Variants in DNAJC24 observed in about 807,000 individuals in gnomAD.
DNAJC24 encodes the protein DnaJ heat shock protein family (Hsp40) member C24.
A neutral mutation model predicts 18.0 loss-of-function variants in DNAJC24; 17 were observed. The ratio of observed to expected loss-of-function variants is 0.94; its 90% CI spans 0.65 to 1.42. The LOEUF is 1.42. DNAJC24 is among the 40% of genes most tolerant of loss of function. The pLI, the probability that DNAJC24 is intolerant of heterozygous loss-of-function variation, is 0.00. For missense variants in DNAJC24, 158 were observed against 175.6 expected (o/e 0.90, Z 0.57); for synonymous variants, 55 against 57.7 (o/e 0.95, Z 0.21).
At chr11:31,415,957 A>G (rs1952748187) in intron 3 of DNAJC24, 1 of 152,218 alleles carries the variant, frequency 6.6e-6, no homozygotes, top group Middle Eastern at 3.2e-3. Context: ...CATTTGCAAG[A>G]CATCCCTATT....
intron 2 of DNAJC24, among the ~76,000 whole-genome samples, chr11:31,391,756 T>A (rs1231787386): frequency 6.6e-6 from 1 of 152,196 alleles, no homozygotes; most frequent in Non-Finnish European, 1.5e-5. Context: ...CTGCTAGATA[T>A]ACTCCAGAAA....
At chr11:31,411,560 G>T (rs1952710075) in intron 2 of DNAJC24, among the ~76,000 whole-genome samples, 1 of 152,196 alleles carries the variant, frequency 6.6e-6, no homozygotes, top group Non-Finnish European at 1.5e-5. Context: ...GCTTCTGGAG[G>T]CTGCAGGCAT....
At chr11:31,427,085 A>G (rs182346807) in intron 4 of DNAJC24, 1 of 152,238 alleles carries the variant, frequency 6.6e-6, no homozygotes, top group Admixed American at 6.5e-5. Flanking sequence ...AAATCTTACT[A>G]TTTCCTAGAA....
chr11:31,396,584 G>T (rs1255741717), intron 2 of DNAJC24, among the ~76,000 whole-genome samples: 1 of 152,112 alleles, frequency 6.6e-6, no homozygotes, highest in African/African-American at 2.4e-5. Context: ...ATCTTCAGCA[G>T]CCTTAGTTTA....
chr11:31,380,195 T>C (rs981579862), intron 2 of DNAJC24, among the ~76,000 whole-genome samples: 5 of 152,306 alleles, frequency 3.3e-5, no homozygotes, highest in African/African-American at 1.2e-4. Flanking sequence ...AATTATAGCG[T>C]TTCAGAAACT....
At chr11:31,418,148 T>G (rs548603528) in intron 3 of DNAJC24, among the ~76,000 whole-genome samples, 1 of 152,254 alleles carries the variant, frequency 6.6e-6, no homozygotes, top group African/African-American at 2.4e-5. Context: ...AGTTGGCATA[T>G]TAAACTTATT....
At chr11:31,380,361 A>C (rs1952364821) in intron 2 of DNAJC24, among the ~76,000 whole-genome samples, 1 of 152,218 alleles carries the variant, frequency 6.6e-6, no homozygotes, top group Non-Finnish European at 1.5e-5. Flanking sequence ...ATCATTTTCA[A>C]CCAGTATTAT....
Position 31,414,940 on chromosome 11 carries a change from C to T in DNAJC24, c.241C>T (p.Gln81Ter). 6.2e-7 allele frequency: 1 copy of T among 1,613,226 alleles called. No homozygotes were observed. Among genetic ancestry groups the T allele is most frequent in the Non-Finnish European group, 8.5e-7 (1 of 1,179,728 alleles). The change falls in exon 3 of 5, where the codon CAG becomes TAG. Residue 81 changes from glutamine (Q) to a stop codon, truncating the protein, a stop_gained. Coordinates refer to ENST00000465995, the MANE Select transcript of DNAJC24 (RefSeq NM_181706.5). LOFTEE classifies it high-confidence loss of function. ...AGAGACAAAAAGAGAGTATGACCTG[C>T]AGCGGTGTGGTAGGTGCTTGTGTTG... ...NEETKREYDLQRCEDDLRNVG... is the reference protein window; with the variant it reads ...NEETKREYDL
intron 2 of DNAJC24, among the ~76,000 whole-genome samples, chr11:31,382,617 T>C (rs1363439406): frequency 6.6e-6 from 1 of 152,240 alleles, no homozygotes; most frequent in Non-Finnish European, 1.5e-5. Flanking sequence ...GTACATATTG[T>C]TGTATACAGT....
At chr11:31,387,619 C>T (rs887168305) in intron 2 of DNAJC24, among the ~76,000 whole-genome samples, 1 of 152,148 alleles carries the variant, frequency 6.6e-6, no homozygotes, top group African/African-American at 2.4e-5. Context: ...TCTCTGAATA[C>T]TTGGAATGCC....
rs919676611 is a variant in DNAJC24 at position 31,375,833 on chromosome 11, G to A, written c.111+4974G>A. On this transcript the variant is annotated intron_variant, in intron 2 of 4. Coordinates refer to ENST00000465995, the MANE Select transcript of DNAJC24 (RefSeq NM_181706.5). ...AAGTGAAGCAGCAAATTACAGGAGA[G>A]AGAATTTCAACTAGCATTATTCTGG... 3.0e-5 allele frequency among the ~76,000 whole-genome samples: 4 copies of A among 135,344 alleles called. 2 individuals are homozygous for A. The highest frequency in any genetic ancestry group is 1.5e-4 in the Admixed American group (2 of 13,268). The allele number at this position is 135,344 out of a possible 152,430, so 88.8% of individuals were successfully genotyped here.
At chr11:31,427,114 C>A (rs551825438) in intron 4 of DNAJC24, 1 of 152,052 alleles carries the variant, frequency 6.6e-6, no homozygotes, top group African/African-American at 2.4e-5. Flanking sequence ...TATGCTTAAC[C>A]TTTTAACCTT....
At chr11:31,418,651 G>C (rs1952774491) in intron 3 of DNAJC24, among the ~76,000 whole-genome samples, 1 of 152,110 alleles carries the variant, frequency 6.6e-6, no homozygotes, top group South Asian at 2.1e-4. Flanking sequence ...TAGCTACTCT[G>C]TTAGTGAATT....
chr11:31,390,258 T>G (rs1952477559), intron 2 of DNAJC24, among the ~76,000 whole-genome samples: 1 of 151,888 alleles, frequency 6.6e-6, no homozygotes, highest in Non-Finnish European at 1.5e-5. Context: ...CAGCCAGGCA[T>G]GATGGCATGC....
At chr11:31,379,781 A>G (rs1012432022) in intron 2 of DNAJC24, among the ~76,000 whole-genome samples, 5 of 151,912 alleles carry the variant, frequency 3.3e-5, no homozygotes, top group African/African-American at 7.3e-5. Context: ...CTTTTGAGAC[A>G]GAGTCTCACC....
chr11:31,385,997 G>A (rs1205119800), intron 2 of DNAJC24, among the ~76,000 whole-genome samples: 3 of 152,144 alleles, frequency 2.0e-5, no homozygotes, highest in Non-Finnish European at 4.4e-5. Flanking sequence ...CTGTGTCACA[G>A]CGGAAAGCAA....
At chr11:31,393,861 T>A (rs1952520919) in intron 2 of DNAJC24, among the ~76,000 whole-genome samples, 1 of 152,182 alleles carries the variant, frequency 6.6e-6, no homozygotes, top group Admixed American at 6.5e-5. Context: ...ATTATGTTCT[T>A]CAAAGTTGCC....
In DNAJC24 at chr11:31,374,096, C is replaced by T. The variant is rs958603741; in HGVS notation, c.111+3237C>T. 8.2e-5 allele frequency: 32 copies of T among 388,100 alleles called. 6 individuals carry two copies. Among genetic ancestry groups the T allele is most frequent in the Non-Finnish European group, 1.3e-4 (25 of 187,714 alleles). The allele number at this position is 388,100 out of a possible 1,614,324, so 24.0% of individuals were successfully genotyped here. On this transcript the variant is annotated intron_variant, in intron 2 of 4. Transcript: ENST00000465995. ...GTATGTCTTGTATTTCCTTTTCTTACGTTAAGGCACTAGCTGGTTGCTTCT... is the reference window on the plus strand; with the variant it reads ...GTATGTCTTGTATTTCCTTTTCTTATGTTAAGGCACTAGCTGGTTGCTTCT...
chr11:31,407,088 C>G (rs1243845063), intron 2 of DNAJC24, among the ~76,000 whole-genome samples: 1 of 152,132 alleles, frequency 6.6e-6, no homozygotes, highest in East Asian at 1.9e-4. Context: ...AAGCTAGAGA[C>G]AGAGAGCTAG....
Sources: gnomAD v4.1 joint callset for allele counts (sites outside exome capture counted in the v4.1 genomes callset) on GRCh38, gnomAD v4.1.1 for gene constraint, MANE v1.5 for transcripts, NCBI Gene and HGNC (gene_info 2026-07-23, HGNC 2026-07-21) for gene names.